Variants in INPP4B observed in about 807,000 individuals in gnomAD.
INPP4B encodes the protein inositol polyphosphate-4-phosphatase type II B.
Under a neutral mutation model 122.5 loss-of-function variants are expected in INPP4B, and 55 were observed. The ratio of observed to expected loss-of-function variants is 0.45; its 90% CI spans 0.36 to 0.56. The LOEUF (loss-of-function observed/expected upper bound fraction) is 0.56, where lower values mean the gene tolerates loss of function less well. INPP4B is among the 20% of genes least tolerant of loss of function. INPP4B has a pLI of 0.00. For synonymous variants in INPP4B, 403 were observed against 388.7 expected (o/e 1.04, Z -0.43); for missense variants, 1,000 against 1,097.7 (o/e 0.91, Z 1.26).
intron 11 of INPP4B, among the ~76,000 whole-genome samples, chr4:142,259,702 A>G (rs949076957): frequency 6.6e-5 from 10 of 151,998 alleles, no homozygotes; most frequent in Non-Finnish European, 1.0e-4. Flanking sequence ...CTGAAAACAC[A>G]AATACATTGT....
chr4:142,379,775 A>G (rs1013699187), intron 7 of INPP4B, among the ~76,000 whole-genome samples: 2 of 152,240 alleles, frequency 1.3e-5, no homozygotes, highest in African/African-American at 2.4e-5. Flanking sequence ...CCAAGCAGTA[A>G]TGGGAAGCCA....
chr4:142,456,677 G>C (rs993730215), intron 3 of INPP4B, among the ~76,000 whole-genome samples: 33 of 151,934 alleles, frequency 2.2e-4, no homozygotes, highest in Admixed American at 3.3e-4. Context: ...TATAAACATT[G>C]ATGAAAGAAA....
At chr4:142,098,203 T>TG (rs1306413769) in intron 23 of INPP4B, among the ~76,000 whole-genome samples, 2 of 151,954 alleles carry the variant, frequency 1.3e-5, no homozygotes, top group South Asian at 2.1e-4. Context: ...AAGAGGTCCA[T>TG]GGGGGGCAGA....
intron 2 of INPP4B, among the ~76,000 whole-genome samples, chr4:142,497,269 A>G (rs994076665): frequency 6.6e-6 from 1 of 152,168 alleles, no homozygotes. Context: ...CAGCTCTCCT[A>G]GCCTCACGAA....
chr4:142,078,435 G>A (rs193134220), intron 25 of INPP4B, among the ~76,000 whole-genome samples: 10 of 152,042 alleles, frequency 6.6e-5, no homozygotes, highest in Non-Finnish European at 1.5e-4. Context: ...GGACCCGAAA[G>A]TTTTAGAAAC....
At chr4:142,670,658 C>G (rs12509465) in intron 2 of INPP4B, among the ~76,000 whole-genome samples, 119,624 of 151,992 alleles carry the variant, frequency 0.79, 47,543 homozygotes, top group East Asian at 0.85. Flanking sequence ...TGGTTTGGGG[C>G]TGGGATTGGG....
chr4:142,405,159 A>ACGAGAG, intron 6 of INPP4B, 47 bp downstream of exon 6: 3 of 969,576 alleles, frequency 3.1e-6, no homozygotes, highest in Non-Finnish European at 4.9e-6. Flanking sequence ...GCGAGCCAGC[A>ACGAGAG]AGAGAGAGAG....
intron 2 of INPP4B, among the ~76,000 whole-genome samples, chr4:142,644,740 T>TAAAAAAAAA (rs55700762): frequency 1.4e-5 from 1 of 71,046 alleles, no homozygotes; most frequent in African/African-American, 5.7e-5. Flanking sequence ...CATCTCTACT[T>TAAAAAAAAA]AAAAAAAAAA....
chr4:142,668,460 T>C (rs556156469), intron 2 of INPP4B, among the ~76,000 whole-genome samples: 6 of 152,302 alleles, frequency 3.9e-5, no homozygotes, highest in African/African-American at 1.4e-4. Context: ...GATGCTCATA[T>C]TTACTTCTAT....
intron 1 of INPP4B, among the ~76,000 whole-genome samples, chr4:142,804,056 CATAAATAAATAAATAAATAA>C (rs369611706): frequency 7.1e-6 from 1 of 141,650 alleles, no homozygotes; most frequent in South Asian, 2.2e-4. Context: ...GAGACTCCAT[CATAAATAAATAAATAAATAA>C]ATAAATAAAT....
intron 11 of INPP4B, among the ~76,000 whole-genome samples, chr4:142,245,440 C>A (rs1360856995): frequency 6.6e-6 from 1 of 152,136 alleles, no homozygotes; most frequent in East Asian, 1.9e-4. Context: ...ATACGGCTAG[C>A]CAGTTTTCAC....
chr4:142,303,367 T>C (rs1762220287), intron 9 of INPP4B, among the ~76,000 whole-genome samples: 2 of 152,140 alleles, frequency 1.3e-5, no homozygotes, highest in African/African-American at 4.8e-5. Context: ...TCTGTGAATT[T>C]GTTTTACAGA....
chr4:142,431,019 G>C, intron 4 of INPP4B, 150 bp downstream of exon 4: 1 of 613,688 alleles, frequency 1.6e-6, no homozygotes, highest in South Asian at 2.0e-5. Context: ...AAGGTAAATA[G>C]TGCAAAGGAA....
chr4:142,822,343 T>G (rs1174596023), intron 1 of INPP4B, among the ~76,000 whole-genome samples: 17 of 152,156 alleles, frequency 1.1e-4, no homozygotes, highest in Admixed American at 1.1e-3. Flanking sequence ...TTACACACTG[T>G]GCCTTAAAGC....
At chr4:142,508,805 A>C (rs1031431007) in intron 2 of INPP4B, among the ~76,000 whole-genome samples, 1 of 152,118 alleles carries the variant, frequency 6.6e-6, no homozygotes, top group Non-Finnish European at 1.5e-5. Flanking sequence ...TGGTTCTCCC[A>C]AAAAAAGGAG....
At chr4:142,242,222 G>A (rs1326883250) in intron 11 of INPP4B, among the ~76,000 whole-genome samples, 1 of 152,078 alleles carries the variant, frequency 6.6e-6, no homozygotes, top group African/African-American at 2.4e-5. Context: ...GATGAGCACT[G>A]AGAAATCTAA....
intron 7 of INPP4B, among the ~76,000 whole-genome samples, chr4:142,381,634 A>G (rs1380900183): frequency 6.6e-6 from 1 of 152,156 alleles, no homozygotes; most frequent in African/African-American, 2.4e-5. Context: ...TCTAGATTGT[A>G]CAAATAGTCT....
chr4:142,065,402 T>A (rs10005894), intron 25 of INPP4B, among the ~76,000 whole-genome samples: 3,775 of 152,146 alleles, frequency 0.025, 173 homozygotes, highest in African/African-American at 0.087. Flanking sequence ...CAATCACACA[T>A]CGCCCCACCC....
At chr4:142,334,204 GAAT>G (rs1403382095) in intron 7 of INPP4B, among the ~76,000 whole-genome samples, 6 of 152,030 alleles carry the variant, frequency 3.9e-5, no homozygotes, top group Non-Finnish European at 8.8e-5. Context: ...TTCTTTGCCT[GAAT>G]AATATTTCAC....
Sources: allele counts gnomAD v4.1 joint callset (sites outside exome capture counted in the v4.1 genomes callset), GRCh38; gene constraint gnomAD v4.1.1; transcripts MANE v1.5; gene names NCBI Gene and HGNC (gene_info 2026-07-23, HGNC 2026-07-21).